Variants in ASB3 observed in about 807,000 individuals in gnomAD.
ASB3 encodes the protein ankyrin repeat and SOCS box containing 3.
In ASB3, 41 loss-of-function variants were observed where a neutral mutation model predicts 54.5. The observed-to-expected ratio is 0.75, with a 90% CI of 0.59 to 0.98. ASB3 has a LOEUF of 0.98. ASB3 is among the 50% of genes least tolerant of loss of function. ASB3 has a pLI of 0.00. For synonymous variants in ASB3, 266 were observed against 221.2 expected (o/e 1.20, Z -1.80); for missense variants, 733 against 620.0 (o/e 1.18, Z -1.94).
At chr2:53,714,989 C>T (rs1251861851) in intron 6 of ASB3, among the ~76,000 whole-genome samples, 1 of 151,934 alleles carries the variant, frequency 6.6e-6, no homozygotes, top group Non-Finnish European at 1.5e-5. Context: ...CACTATTTTC[C>T]TTCTTAAAGT....
intron 9 of ASB3, among the ~76,000 whole-genome samples, chr2:53,672,785 G>A (rs1028325397): frequency 2.8e-4 from 42 of 152,274 alleles, no homozygotes; most frequent in African/African-American, 1.0e-3. Flanking sequence ...CAAGGTGAGT[G>A]CATAATCCTT....
At position 53,718,991 on chromosome 2, in the gene ASB3, G is replaced by T. The variant is rs185480781; in HGVS notation, c.605-2248C>A. On this transcript the variant is annotated intron_variant, in intron 5 of 9. Coordinates refer to ENST00000263634, the MANE Select transcript of ASB3 (RefSeq NM_016115.5). ...GCTGGAGTGCAATGGTGCGATCTCG[G>T]CTTACTGCAACCTCTGCCTCCTGGG... 2.4e-3 allele frequency among the ~76,000 whole-genome samples: 367 copies of T among 152,234 alleles called. 4 individuals are homozygous for T. Among genetic ancestry groups the T allele is most frequent in the Non-Finnish European group, 3.0e-3 (206 of 68,018 alleles).
chr2:53,703,454 A>G (rs971857161), intron 7 of ASB3, among the ~76,000 whole-genome samples: 2 of 152,208 alleles, frequency 1.3e-5, no homozygotes, highest in Admixed American at 6.5e-5. Context: ...AGCTGAAAAA[A>G]TAATAAGGAA....
rs13383490 is a variant in ASB3 at position 53,739,955 on chromosome 2, T to C, written c.356-10385A>G. Among the ~76,000 whole-genome samples, 1,365 of 152,290 alleles carry C rather than the reference T, an allele frequency of 9.0e-3. 23 individuals are homozygous for C. Among genetic ancestry groups the C allele is most frequent in the African/African-American group, 0.031 (1,291 of 41,550 alleles). ...TCCCAAAATGTTGAGATTATAGGCA[T>C]AAGCCACCACACCCAGCCTAGTCTT... On this transcript the variant is annotated intron_variant, in intron 3 of 9. Coordinates refer to ENST00000263634, the MANE Select transcript of ASB3 (RefSeq NM_016115.5).
intron 3 of ASB3, among the ~76,000 whole-genome samples, chr2:53,732,516 T>C (rs1404106834): frequency 5.3e-5 from 8 of 152,186 alleles, no homozygotes; most frequent in Admixed American, 4.6e-4. Context: ...AGAGTGAAGG[T>C]AAGTTTGTTT....
chr2:53,692,155 A>AG (rs760773164), intron 9 of ASB3, among the ~76,000 whole-genome samples: 14 of 151,880 alleles, frequency 9.2e-5, no homozygotes, highest in Admixed American at 3.9e-4. Context: ...AAATGTCTAC[A>AG]GGGGGGGCAA....
chr2:53,761,306 C>A (rs1299356093), intron 2 of ASB3, among the ~76,000 whole-genome samples: 1 of 152,096 alleles, frequency 6.6e-6, no homozygotes, highest in Non-Finnish European at 1.5e-5. Flanking sequence ...CCTGAGAGCA[C>A]AGAGGGAGGG....
intron 3 of ASB3, among the ~76,000 whole-genome samples, chr2:53,729,923 A>C (rs1227894682): frequency 6.6e-6 from 1 of 152,224 alleles, no homozygotes; most frequent in Non-Finnish European, 1.5e-5. Context: ...TGGAAAAGCA[A>C]TCTCAAAAGG....
Position 53,688,278 on chromosome 2 carries a change from C to T in ASB3, c.1369+5606G>A, listed in dbSNP as rs573611906. 1.3e-5 allele frequency among the ~76,000 whole-genome samples: 2 copies of T among 152,312 alleles called. 1 individual carries two copies. The highest frequency in any genetic ancestry group is 4.8e-5 in the African/African-American group (2 of 41,564). On this transcript the variant is annotated intron_variant, in intron 9 of 9. Coordinates refer to ENST00000263634, the MANE Select transcript of ASB3 (RefSeq NM_016115.5). ...GTTTACTTCTTGCTCATGCAAAATC[C>T]TCTGCAGGTCAGGCAATTCTCCTAA...
intron 7 of ASB3, among the ~76,000 whole-genome samples, chr2:53,709,659 C>G (rs1331692395): frequency 6.6e-6 from 1 of 152,192 alleles, no homozygotes; most frequent in Non-Finnish European, 1.5e-5. Flanking sequence ...GTACCAATTT[C>G]TTTACATTTA....
chr2:53,696,447 G>C (rs922824260), intron 8 of ASB3, among the ~76,000 whole-genome samples: 1 of 152,174 alleles, frequency 6.6e-6, no homozygotes, highest in Non-Finnish European at 1.5e-5. Flanking sequence ...CCTTCTAAGA[G>C]AATAAAGCTA....
At chr2:53,724,197 T>G (rs1670864879) in intron 5 of ASB3, among the ~76,000 whole-genome samples, 2 of 152,218 alleles carry the variant, frequency 1.3e-5, no homozygotes, top group African/African-American at 4.8e-5. Flanking sequence ...ACTAGGTATC[T>G]TTATAGATTC....
At chr2:53,684,120 T>C (rs1259456265) in intron 9 of ASB3, among the ~76,000 whole-genome samples, 6 of 152,214 alleles carry the variant, frequency 3.9e-5, no homozygotes, top group Admixed American at 6.5e-5. Context: ...CAGTGTCTGA[T>C]ACACAGCTGA....
chr2:53,734,295 G>A (rs140585534), intron 3 of ASB3, among the ~76,000 whole-genome samples: 103 of 152,146 alleles, frequency 6.8e-4, no homozygotes, highest in African/African-American at 2.5e-3. Context: ...TCTCTACTGG[G>A]CTCCACTGTT....
At chr2:53,704,216 C>T (rs1019352404) in intron 7 of ASB3, among the ~76,000 whole-genome samples, 1 of 151,810 alleles carries the variant, frequency 6.6e-6, no homozygotes, top group African/African-American at 2.4e-5. Flanking sequence ...AAAAATTAGC[C>T]AGGCGTGGTG....
chr2:53,736,050 A>G (rs1000458548), intron 3 of ASB3, among the ~76,000 whole-genome samples: 4 of 152,090 alleles, frequency 2.6e-5, no homozygotes, highest in African/African-American at 9.7e-5. Context: ...TTGGAATAGA[A>G]AAATAATTTT....
intron 9 of ASB3, among the ~76,000 whole-genome samples, chr2:53,671,356 G>C (rs1203358482): frequency 1.1e-5 from 1 of 92,940 alleles, no homozygotes; most frequent in Non-Finnish European, 2.2e-5. Flanking sequence ...CCCAAAGCGT[G>C]TGTGTGTGTG....
At chr2:53,707,854 C>G (rs1224741639) in intron 7 of ASB3, among the ~76,000 whole-genome samples, 1 of 150,702 alleles carries the variant, frequency 6.6e-6, no homozygotes, top group Admixed American at 6.6e-5. Flanking sequence ...CCCAGCTATT[C>G]AGGAGGCTGA....
chr2:53,752,569 C>T (rs900160209), intron 2 of ASB3, among the ~76,000 whole-genome samples: 17 of 152,252 alleles, frequency 1.1e-4, no homozygotes, highest in African/African-American at 3.1e-4. Flanking sequence ...TTTCTGTGCA[C>T]GTGTTAAGGC....
Sources: gnomAD v4.1 joint callset for allele counts (sites outside exome capture counted in the v4.1 genomes callset) on GRCh38, gnomAD v4.1.1 for gene constraint, MANE v1.5 for transcripts, NCBI Gene and HGNC (gene_info 2026-07-23, HGNC 2026-07-21) for gene names.